Variants in CREM observed in about 807,000 individuals in gnomAD.
The protein encoded by CREM is cAMP responsive element modulator.
A neutral mutation model predicts 37.3 loss-of-function variants in CREM; 13 were observed. The ratio of observed to expected loss-of-function variants is 0.35; its 90% CI spans 0.23 to 0.55. The LOEUF is 0.55. Ranked by LOEUF, CREM falls within the 20% of genes least tolerant of loss-of-function variation. The pLI, the probability that CREM is intolerant of heterozygous loss-of-function variation, is 0.88. For synonymous variants in CREM, 124 were observed against 120.2 expected (o/e 1.03, Z -0.21); for missense variants, 296 against 362.3 (o/e 0.82, Z 1.49).
In CREM at chr10:35,167,230, C is replaced by T. The variant is rs78286105; in HGVS notation, c.169-11659C>T. Among the ~76,000 whole-genome samples the T allele has an allele frequency of 2.6e-3, 391 of 152,316 alleles. 14 individuals carry two copies. The East Asian group carries it at 0.068, about 27-fold the overall frequency. On this transcript the variant is annotated intron_variant, in intron 3 of 7. Transcript: ENST00000685392. ...ATTCTTATTATTTTCAGCTTTAAAA[C>T]ATTTGAAATATTCTAATATTCTCTT...
chr10:35,200,500 A>C (rs1016350679), intron 6 of CREM, among the ~76,000 whole-genome samples: 1 of 152,248 alleles, frequency 6.6e-6, no homozygotes, highest in Non-Finnish European at 1.5e-5. Flanking sequence ...TATGTGTTAT[A>C]GTGATTGTAG....
chr10:35,149,937 CA>C lies in CREM; in HGVS notation c.168+1447del, dbSNP rs1248983020. On this transcript the variant is annotated intron_variant, in intron 3 of 7. Coordinates refer to ENST00000685392, the MANE Select transcript of CREM (RefSeq NM_183011.2). ...ACACACACACACACACACACACACA[CA>C]CCCTTGTTAAAAAAAATGCATGTTC... Among the ~76,000 whole-genome samples, 192 of 146,584 alleles carry C rather than the reference CA, an allele frequency of 1.3e-3. 2 individuals are homozygous for C. Among genetic ancestry groups the C allele is most frequent in the Non-Finnish European group, 2.6e-4 (17 of 66,310 alleles).
At chr10:35,183,291 A>G (rs1229837947) in intron 5 of CREM, among the ~76,000 whole-genome samples, 3 of 152,186 alleles carry the variant, frequency 2.0e-5, no homozygotes, top group Non-Finnish European at 4.4e-5. Context: ...TGGACTCCTT[A>G]TAAGAATTCA....
At chr10:35,149,889 AACACACACACACACACACACAC>A (rs55971717) in intron 3 of CREM, among the ~76,000 whole-genome samples, 37 of 111,916 alleles carry the variant, frequency 3.3e-4, no homozygotes, top group Non-Finnish European at 5.6e-4. Context: ...CTTTTGCTTA[AACACACACACACACACACACAC>A]ACACACACAC....
In CREM at chr10:35,178,284, T is replaced by C. The variant is rs193263689; in HGVS notation, c.169-605T>C. Among the ~76,000 whole-genome samples the C allele has an allele frequency of 8.5e-5, 13 of 152,344 alleles. No individual in the cohort carries two copies. In the East Asian group the frequency reaches 2.5e-3, roughly 29 times the overall value. ...ATGCTTAAAACTCTGATCTTTCTCTTAAGGAGAAATGCTTTATTTGGATCT... is the reference window on the plus strand; with the variant it reads ...ATGCTTAAAACTCTGATCTTTCTCTCAAGGAGAAATGCTTTATTTGGATCT... On this transcript the variant is annotated intron_variant, in intron 3 of 7. Transcript: ENST00000685392.
At chr10:35,195,609 G>C (rs902827666) in intron 6 of CREM, among the ~76,000 whole-genome samples, 1 of 152,080 alleles carries the variant, frequency 6.6e-6, no homozygotes, top group African/African-American at 2.4e-5. Context: ...TCTAGCCGCA[G>C]ATTAAACATA....
intron 6 of CREM, among the ~76,000 whole-genome samples, chr10:35,191,938 C>CCCACCTGGTG (rs71299706): frequency 0.33 from 50,033 of 151,848 alleles, 8,330 homozygotes; most frequent in South Asian, 0.35. Context: ...CCACTACTAT[C>CCCACCTGGTG]CTTGATGCCA....
intron 3 of CREM, among the ~76,000 whole-genome samples, chr10:35,162,454 CTAT>C (rs1337389818): frequency 2.4e-4 from 37 of 152,066 alleles, no homozygotes; most frequent in Non-Finnish European, 1.6e-4. Flanking sequence ...TGAGGTAATG[CTAT>C]TATTAATTAG....
chr10:35,188,449 G>A (rs766452047), intron 6 of CREM, 61 bp downstream of exon 6: 1 of 1,396,342 alleles, frequency 7.2e-7, no homozygotes, highest in East Asian at 2.5e-5. Context: ...ACACCATTGA[G>A]TGGTGATTTT....
At chr10:35,195,117 C>T in intron 6 of CREM, 1 of 1,524,132 alleles carries the variant, frequency 6.6e-7, no homozygotes, top group South Asian at 1.1e-5. Context: ...CCTGCACATG[C>T]TTGCTAATTT....
intron 5 of CREM, among the ~76,000 whole-genome samples, chr10:35,180,778 G>A (rs1220274772): frequency 1.3e-5 from 2 of 152,194 alleles, no homozygotes; most frequent in Non-Finnish European, 2.9e-5. Context: ...AGCACAGCAC[G>A]CAGGTTATGA....
intron 2 of CREM, among the ~76,000 whole-genome samples, chr10:35,147,193 G>A (rs2092231011): frequency 6.6e-6 from 1 of 151,622 alleles, no homozygotes; most frequent in South Asian, 2.1e-4. Context: ...TGGGACTACA[G>A]GCGCCTACCA....
chr10:35,153,891 A>C (rs16935890), intron 3 of CREM, among the ~76,000 whole-genome samples: 1 of 152,182 alleles, frequency 6.6e-6, no homozygotes, highest in Non-Finnish European at 1.5e-5. Flanking sequence ...TTTTGGAAAC[A>C]AGGAGACACT....
intron 3 of CREM, among the ~76,000 whole-genome samples, chr10:35,164,597 C>A (rs1190739801): frequency 6.6e-6 from 1 of 152,214 alleles, no homozygotes; most frequent in African/African-American, 2.4e-5. Context: ...GTAACTATTT[C>A]AGATTTCATG....
rs1447654996 is a variant in CREM, at chr10:35,190,248, A to G, written c.598+1860A>G. ...ACAAGTCACAAAGATTTTTTTCCAC[A>G]TTTTCTTCTATTTGCTTTATGGTTT... On this transcript the variant is annotated intron_variant, in intron 6 of 7. Coordinates refer to ENST00000685392, the MANE Select transcript of CREM (RefSeq NM_183011.2). Among the ~76,000 whole-genome samples, 3 of 151,972 alleles carry G rather than the reference A, an allele frequency of 2.0e-5. No individual in the cohort carries two copies. The East Asian group carries it at 5.8e-4, about 29-fold the overall frequency.
At chr10:35,184,849 G>T (rs1353645846) in intron 5 of CREM, among the ~76,000 whole-genome samples, 1 of 152,094 alleles carries the variant, frequency 6.6e-6, no homozygotes, top group Non-Finnish European at 1.5e-5. Flanking sequence ...CTATTTAGGG[G>T]TTCTTACCCT....
intron 7 of CREM, chr10:35,210,685 CTTTTG>C (rs1265606905): frequency 6.6e-6 from 1 of 152,112 alleles, no homozygotes; most frequent in Non-Finnish European, 1.5e-5. Context: ...AAATGCACAT[CTTTTG>C]TTTATTGTTA....
chr10:35,140,226 T>C (rs922884313), intron 2 of CREM, among the ~76,000 whole-genome samples: 1 of 152,140 alleles, frequency 6.6e-6, no homozygotes, highest in African/African-American at 2.4e-5. Context: ...AGAATACAAA[T>C]GGAATAAAAT....
Position 35,179,143 on chromosome 10 carries a change from G to A in CREM, c.276G>A (p.Leu92=). The change falls in exon 5 of 8, where the codon CTG becomes CTA. Residue 92 remains leucine, a synonymous_variant. Transcript: ENST00000685392. ...LSRRPSYRKI[L]NELSSDVPGV... ...TTAAATTGTATTTTAGGAAAATACTGAATGAACTGTCCTCTGATGTGCCTG... is the reference window on the plus strand; with the variant it reads ...TTAAATTGTATTTTAGGAAAATACTAAATGAACTGTCCTCTGATGTGCCTG... 1 of 1,611,154 alleles carries A rather than the reference G, an allele frequency of 6.2e-7. No homozygotes were observed. The highest frequency in any genetic ancestry group is 1.7e-5 in the Admixed American group (1 of 59,480).
Sources: gnomAD v4.1 joint callset for allele counts (sites outside exome capture counted in the v4.1 genomes callset) on GRCh38, gnomAD v4.1.1 for gene constraint, MANE v1.5 for transcripts, NCBI Gene and HGNC (gene_info 2026-07-23, HGNC 2026-07-21) for gene names.